CHSY1: variants seen among roughly 807,000 people sequenced by gnomAD.
The protein encoded by CHSY1 is chondroitin sulfate synthase 1.
In CHSY1, 13 loss-of-function variants were observed where a neutral mutation model predicts 59.8. That is an observed-to-expected ratio of 0.22 (90% CI 0.14 to 0.35). The LOEUF is 0.35. Among genes scored for constraint, CHSY1 ranks in the 10% least tolerant of loss-of-function variants. The pLI, the probability that CHSY1 is intolerant of heterozygous loss-of-function variation, is 1.00. For synonymous variants in CHSY1, 459 were observed against 401.2 expected (o/e 1.14, Z -1.72); for missense variants, 947 against 1,030.6 (o/e 0.92, Z 1.11).
chr15:101,247,292 A>G (rs1013629374), intron 1 of CHSY1, among the ~76,000 whole-genome samples: 3 of 151,974 alleles, frequency 2.0e-5, no homozygotes, highest in Non-Finnish European at 2.9e-5. Context: ...CCTCATGCTC[A>G]TCAATGATAT....
At chr15:101,241,355 C>T (rs1193211676) in intron 1 of CHSY1, among the ~76,000 whole-genome samples, 1 of 152,236 alleles carries the variant, frequency 6.6e-6, no homozygotes, top group African/African-American at 2.4e-5. Flanking sequence ...TCCCAAAGGG[C>T]TGGGATTACC....
intron 2 of CHSY1, among the ~76,000 whole-genome samples, chr15:101,208,115 G>A (rs945507626): frequency 2.6e-5 from 4 of 152,240 alleles, no homozygotes; most frequent in Non-Finnish European, 5.9e-5. Context: ...CAGAAAGGGA[G>A]AGAAGAGGAA....
At chr15:101,182,664 T>TCCCCACCCCAAGCAGGAAACC (rs2038296283) in intron 2 of CHSY1, among the ~76,000 whole-genome samples, 2 of 151,990 alleles carry the variant, frequency 1.3e-5, no homozygotes, top group Non-Finnish European at 2.9e-5. Context: ...CTTATTCCAC[T>TCCCCACCCCAAGCAGGAAACC]CCCCACCCCA....
intron 2 of CHSY1, among the ~76,000 whole-genome samples, chr15:101,221,284 A>G (rs902210487): frequency 6.6e-6 from 1 of 152,206 alleles, no homozygotes; most frequent in African/African-American, 2.4e-5. Flanking sequence ...ACTTGAGATC[A>G]GAAGTTCAAG....
chr15:101,205,015 T>C (rs1417494583), intron 2 of CHSY1, among the ~76,000 whole-genome samples: 1 of 152,184 alleles, frequency 6.6e-6, no homozygotes, highest in Non-Finnish European at 1.5e-5. Context: ...CACCAGCAAA[T>C]CATGAAAGTA....
intron 2 of CHSY1, among the ~76,000 whole-genome samples, chr15:101,199,225 C>T (rs986380194): frequency 6.6e-6 from 1 of 152,164 alleles, no homozygotes; most frequent in African/African-American, 2.4e-5. Context: ...TCACTGCGGC[C>T]GGGCGCAGTG....
In CHSY1 at chr15:101,230,493, T is replaced by A. The variant is rs115243806; in HGVS notation, c.816+4589A>T. Reference sequence around the variant, plus strand: ...TTCCTGATTTGATCCTTATACAACATATACATGAATACATTAAACCATACT... The same window carrying A: ...TTCCTGATTTGATCCTTATACAACAAATACATGAATACATTAAACCATACT... On this transcript the variant is annotated intron_variant, in intron 2 of 2. Coordinates refer to ENST00000254190, the MANE Select transcript of CHSY1 (RefSeq NM_014918.5). Among the ~76,000 whole-genome samples, 993 of 152,282 alleles carry A rather than the reference T, an allele frequency of 6.5e-3. 10 individuals carry two copies. Among genetic ancestry groups the A allele is most frequent in the African/African-American group, 0.023 (943 of 41,558 alleles).
chr15:101,189,927 G>A (rs1596431403), intron 2 of CHSY1, among the ~76,000 whole-genome samples: 1 of 152,234 alleles, frequency 6.6e-6, no homozygotes, highest in South Asian at 2.1e-4. Context: ...TTGAGTCCTC[G>A]GAGGAAGAGC....
intron 2 of CHSY1, among the ~76,000 whole-genome samples, chr15:101,190,352 T>C (rs868778428): frequency 2.6e-4 from 40 of 152,260 alleles, no homozygotes; most frequent in Admixed American, 1.8e-3. Flanking sequence ...TTTCAGAGCA[T>C]AGGCAACCAA....
intron 2 of CHSY1, among the ~76,000 whole-genome samples, chr15:101,214,074 C>T (rs890266486): frequency 1.3e-5 from 2 of 152,172 alleles, no homozygotes; most frequent in South Asian, 2.1e-4. Flanking sequence ...GCTGGTGGGG[C>T]AAAAGCCTGT....
chr15:101,178,455 T>G lies in CHSY1; in HGVS notation c.1342A>C (p.Ile448Leu), dbSNP rs1241620966. The change falls in exon 3 of 3, where the codon ATC (isoleucine) becomes CTC (leucine). Residue 448 changes from isoleucine (I) to leucine (L), a missense_variant. By Grantham distance (5) the Ile-to-Leu change is conservative. Around this residue, in one of 4 missense-constraint regions of CHSY1, gnomAD observed 602 missense variants for 676.9 expected, o/e 0.89. Coordinates refer to ENST00000254190, the MANE Select transcript of CHSY1 (RefSeq NM_014918.5). ...RVNPMYGAEY[I>L]LDLLLLYKKH... ...TTGTACAGAAGCAGCAGGTCCAGGATGTACTCAGCCCCATACATGGGGTTC... is the reference window on the plus strand; with the variant it reads ...TTGTACAGAAGCAGCAGGTCCAGGAGGTACTCAGCCCCATACATGGGGTTC... 1 of 1,614,238 alleles carries G rather than the reference T, an allele frequency of 6.2e-7. No individual in the cohort carries two copies. Among genetic ancestry groups the G allele is most frequent in the Non-Finnish European group, 8.5e-7 (1 of 1,180,032 alleles).
intron 2 of CHSY1, among the ~76,000 whole-genome samples, chr15:101,194,138 G>A (rs529773552): frequency 1.3e-5 from 2 of 152,358 alleles, no homozygotes; most frequent in African/African-American, 2.4e-5. Flanking sequence ...ATGTAGCTAC[G>A]GAGCGCCTTC....
At position 101,215,854 on chromosome 15, in the gene CHSY1, G is replaced by C. The variant is rs188173879; in HGVS notation, c.816+19228C>G. On this transcript the variant is annotated intron_variant, in intron 2 of 2. Transcript: ENST00000254190. ...GAAACATGGAATGTGATAATCTTCTGTAAGTTGTTCAGACTTGTCTTAAAA... is the reference window on the plus strand; with the variant it reads ...GAAACATGGAATGTGATAATCTTCTCTAAGTTGTTCAGACTTGTCTTAAAA... Among the ~76,000 whole-genome samples, 189 of 152,240 alleles carry C rather than the reference G, an allele frequency of 1.2e-3. 1 individual carries two copies. Among genetic ancestry groups the C allele is most frequent in the Middle Eastern group, 6.8e-3 (2 of 294 alleles).
At chr15:101,238,413 T>C (rs2038968594) in intron 1 of CHSY1, among the ~76,000 whole-genome samples, 1 of 152,250 alleles carries the variant, frequency 6.6e-6, no homozygotes, top group African/African-American at 2.4e-5. Flanking sequence ...AATGTATCTC[T>C]TTCAAGTAGA....
chr15:101,176,551 C>A lies in CHSY1; in HGVS notation c.*837G>T, dbSNP rs747404843. ...GAACTACCACGAGAACAGCCACATA[C>A]CTCACTGTGCCTTCTTCACGCCCCT... On this transcript the variant is annotated 3_prime_UTR_variant, in exon 3 of 3. Coordinates refer to ENST00000254190, the MANE Select transcript of CHSY1 (RefSeq NM_014918.5). 1.5e-5 allele frequency: 6 copies of A among 396,628 alleles called. No homozygotes were observed. The highest frequency in any genetic ancestry group is 4.1e-5 in the African/African-American group (2 of 48,584). The allele number at this position is 396,628 out of a possible 1,614,324, so 24.6% of individuals were successfully genotyped here.
At chr15:101,229,767 C>T (rs1025178243) in intron 2 of CHSY1, among the ~76,000 whole-genome samples, 2 of 151,808 alleles carry the variant, frequency 1.3e-5, no homozygotes, top group African/African-American at 2.4e-5. Context: ...TTTAGCTGGG[C>T]ATGGTGGCAT....
chr15:101,237,222 TAAAA>T (rs56731913), intron 1 of CHSY1, among the ~76,000 whole-genome samples: 5 of 57,358 alleles, frequency 8.7e-5, no homozygotes, highest in Non-Finnish European at 1.4e-4. Flanking sequence ...AGACTCCATC[TAAAA>T]AAAAAAAAAA....
chr15:101,248,515 A>G (rs968697156), intron 1 of CHSY1, among the ~76,000 whole-genome samples: 2 of 152,240 alleles, frequency 1.3e-5, no homozygotes, highest in South Asian at 4.1e-4. Flanking sequence ...CATTAGCTGG[A>G]CACTATCTCC....
intron 2 of CHSY1, among the ~76,000 whole-genome samples, chr15:101,203,448 C>T (rs193293862): frequency 2.2e-4 from 33 of 150,290 alleles, no homozygotes; most frequent in African/African-American, 7.2e-4. Flanking sequence ...CCCCCATATA[C>T]GGCTGCTCAA....
Sources: allele counts gnomAD v4.1 joint callset (sites outside exome capture counted in the v4.1 genomes callset), GRCh38; gene constraint gnomAD v4.1.1; regional missense constraint gnomAD v4.1.1; transcripts MANE v1.5; gene names NCBI Gene and HGNC (gene_info 2026-07-23, HGNC 2026-07-21).